The following ADAD1 variants were observed in gnomAD, a reference collection of about 807,000 sequenced individuals.
The protein encoded by ADAD1 is adenosine deaminase domain-containing protein 1.
Under a neutral mutation model 66.8 loss-of-function variants are expected in ADAD1, and 46 were observed. That is an observed-to-expected ratio of 0.69 (90% CI 0.54 to 0.88). The LOEUF is 0.88. Among genes scored for constraint, ADAD1 ranks in the 40% least tolerant of loss-of-function variants. The pLI, the probability that ADAD1 is intolerant of heterozygous loss-of-function variation, is 0.00. For synonymous variants in ADAD1, 248 were observed against 229.4 expected (o/e 1.08, Z -0.73); for missense variants, 617 against 681.8 (o/e 0.91, Z 1.06).
At chr4:122,401,308 G>C (rs1220050596) in intron 7 of ADAD1, among the ~76,000 whole-genome samples, 2 of 152,080 alleles carry the variant, frequency 1.3e-5, no homozygotes, top group Non-Finnish European at 2.9e-5. Flanking sequence ...ATAGTTTTGA[G>C]TGTTCCTTTT....
intron 6 of ADAD1, among the ~76,000 whole-genome samples, chr4:122,394,365 A>T (rs1795597666): frequency 1.3e-5 from 2 of 152,224 alleles, no homozygotes; most frequent in African/African-American, 4.8e-5. Flanking sequence ...TTTTACTTTT[A>T]CTACCAAGTG....
chr4:122,388,303 A>C (rs1229282412), intron 5 of ADAD1, among the ~76,000 whole-genome samples: 2 of 152,164 alleles, frequency 1.3e-5, no homozygotes, highest in Non-Finnish European at 2.9e-5. Context: ...ATTGATGTTC[A>C]TCAGGTATAT....
At chr4:122,392,906 GT>G (rs1795520904) in intron 5 of ADAD1, among the ~76,000 whole-genome samples, 1 of 152,010 alleles carries the variant, frequency 6.6e-6, no homozygotes, top group Non-Finnish European at 1.5e-5. Context: ...GTTCACTTCT[GT>G]CTTCCTCAAA....
intron 6 of ADAD1, among the ~76,000 whole-genome samples, chr4:122,395,867 G>A (rs1795685733): frequency 6.6e-6 from 1 of 152,160 alleles, no homozygotes. Context: ...ATAAGAGAAT[G>A]TATTTTGGTT....
rs1580781753 is a variant in ADAD1, at chr4:122,408,156, T to A, written c.848+125T>A. On this transcript the variant is annotated intron_variant, in intron 8 of 12. Coordinates refer to ENST00000296513, the MANE Select transcript of ADAD1 (RefSeq NM_139243.4). ...ATAGAGCCAAGGATGTCACATTTTCTTATCTAAGTCATCGGATTAATTCCA... is the reference window on the plus strand; with the variant it reads ...ATAGAGCCAAGGATGTCACATTTTCATATCTAAGTCATCGGATTAATTCCA... The A allele has an allele frequency of 5.0e-6, 5 of 996,184 alleles. No homozygotes were observed. The Admixed American group carries it at 1.5e-4, about 30-fold the overall frequency. The allele number at this position is 996,184 out of a possible 1,614,324, so 61.7% of individuals were successfully genotyped here.
At chr4:122,417,559 A>G (rs1796796419) in intron 11 of ADAD1, among the ~76,000 whole-genome samples, 1 of 152,138 alleles carries the variant, frequency 6.6e-6, no homozygotes. Context: ...CTAGAAACAC[A>G]CTGCTAATAG....
chr4:122,391,734 CAG>C (rs1795458293), intron 5 of ADAD1, among the ~76,000 whole-genome samples: 2 of 152,128 alleles, frequency 1.3e-5, no homozygotes, highest in African/African-American at 4.8e-5. Context: ...TGTTTTGAGA[CAG>C]AGTCTCTCTG....
At chr4:122,427,485 A>G (rs1024981097) in intron 12 of ADAD1, among the ~76,000 whole-genome samples, 14 of 149,630 alleles carry the variant, frequency 9.4e-5, no homozygotes, top group African/African-American at 3.4e-4. Context: ...GTAGAAATTG[A>G]CAAGCTGATT....
intron 5 of ADAD1, among the ~76,000 whole-genome samples, chr4:122,387,435 G>C (rs1181219491): frequency 1.3e-5 from 2 of 151,990 alleles, no homozygotes; most frequent in Non-Finnish European, 2.9e-5. Context: ...AGGAAGTTTT[G>C]GGGCTGAAAA....
chr4:122,395,264 T>C (rs1795645929), intron 6 of ADAD1, among the ~76,000 whole-genome samples: 1 of 151,950 alleles, frequency 6.6e-6, no homozygotes, highest in Non-Finnish European at 1.5e-5. Context: ...TAGACCAGAC[T>C]GGTCCCAAAC....
At chr4:122,396,203 C>A in intron 6 of ADAD1, 49 bp from the exon 7 acceptor site, 1 of 1,498,738 alleles carries the variant, frequency 6.7e-7, no homozygotes, top group Non-Finnish European at 8.9e-7. Context: ...TAAGACAGCT[C>A]TAGGAGGAGC....
In ADAD1 at chr4:122,408,040, A is replaced by G. The variant is rs767173018; in HGVS notation, c.848+9A>G. On this transcript the variant is annotated intron_variant, in intron 8 of 12. Transcript: ENST00000296513. ...AGAAGGTCTCTTCTTAGGTAAGACA[A>G]TACATATATTAATGTTATTAAATAT... The G allele has an allele frequency of 6.2e-5, 99 of 1,609,162 alleles. No homozygotes were observed. The East Asian group carries it at 2.0e-3, about 32-fold the overall frequency.
chr4:122,416,319 A>G (rs1325483105), intron 11 of ADAD1, among the ~76,000 whole-genome samples: 1 of 152,228 alleles, frequency 6.6e-6, no homozygotes, highest in Non-Finnish European at 1.5e-5. Flanking sequence ...AGTAAAAGTA[A>G]AACTGTTCTT....
chr4:122,387,992 C>G (rs748310001), intron 5 of ADAD1, among the ~76,000 whole-genome samples: 4 of 152,148 alleles, frequency 2.6e-5, no homozygotes, highest in Non-Finnish European at 5.9e-5. Flanking sequence ...ATCTCCTGAC[C>G]TCGTGATCCA....
chr4:122,399,712 T>TGGTTA (rs1252753883), intron 7 of ADAD1, among the ~76,000 whole-genome samples: 1 of 151,706 alleles, frequency 6.6e-6, no homozygotes, highest in African/African-American at 2.4e-5. Flanking sequence ...TTCATCTCCT[T>TGGTTA]GGTTAGGTAT....
chr4:122,421,179 T>G, intron 11 of ADAD1, 82 bp from the exon 12 acceptor site: 1 of 1,083,832 alleles, frequency 9.2e-7, no homozygotes, highest in Non-Finnish European at 1.2e-6. Flanking sequence ...ATTTTGTAGA[T>G]CCATATTGAT....
intron 12 of ADAD1, among the ~76,000 whole-genome samples, chr4:122,428,162 C>T (rs1462297925): frequency 6.6e-6 from 1 of 151,860 alleles, no homozygotes; most frequent in African/African-American, 2.4e-5. Context: ...AGAGCTAAAA[C>T]TATAAAACTT....
At chr4:122,426,699 AC>A (rs1331847525) in intron 12 of ADAD1, among the ~76,000 whole-genome samples, 1 of 152,236 alleles carries the variant, frequency 6.6e-6, no homozygotes, top group African/African-American at 2.4e-5. Flanking sequence ...ATTTTATGTA[AC>A]ACACCATATG....
At chr4:122,382,449 A>T (rs936340080) in intron 4 of ADAD1, among the ~76,000 whole-genome samples, 1 of 152,168 alleles carries the variant, frequency 6.6e-6, no homozygotes, top group Non-Finnish European at 1.5e-5. Context: ...AATAAATTTT[A>T]GGTAAAATAT....
Sources: allele counts gnomAD v4.1 joint callset (sites outside exome capture counted in the v4.1 genomes callset), GRCh38; gene constraint gnomAD v4.1.1; transcripts MANE v1.5; gene names NCBI Gene and HGNC (gene_info 2026-07-23, HGNC 2026-07-21).